GRID2: variants seen among roughly 807,000 people sequenced by gnomAD.
GRID2 encodes the protein glutamate ionotropic receptor delta type subunit 2.
In GRID2, 33 loss-of-function variants were observed where a neutral mutation model predicts 114.8. The ratio of observed to expected loss-of-function variants is 0.29; its 90% confidence interval spans 0.22 to 0.38. GRID2 has a LOEUF of 0.38. Among genes scored for constraint, GRID2 ranks in the 10% least tolerant of loss-of-function variants. The pLI, the probability that GRID2 is intolerant of heterozygous loss-of-function variation, is 1.00. For missense variants in GRID2, 1,184 were observed against 1,257.7 expected, an observed-to-expected ratio of 0.94 and a Z score of 0.89; for synonymous variants, 505 against 449.9, an observed-to-expected ratio of 1.12 and a Z score of -1.55.
intron 2 of GRID2, among the ~76,000 whole-genome samples, chr4:92,952,817 A>G (rs1489620206): frequency 6.6e-6 from 1 of 152,216 alleles, no homozygotes; most frequent in African/African-American, 2.4e-5. Flanking sequence ...TACGACTGCC[A>G]TAACACAATA....
At chr4:93,183,173 C>T (rs1401448792) in intron 4 of GRID2, among the ~76,000 whole-genome samples, 2 of 152,030 alleles carry the variant, frequency 1.3e-5, no homozygotes, top group African/African-American at 4.8e-5. Context: ...CATAATATCT[C>T]AATTTTCACT....
intron 2 of GRID2, among the ~76,000 whole-genome samples, chr4:92,722,776 A>C (rs1198482572): frequency 1.3e-5 from 2 of 151,504 alleles, no homozygotes; most frequent in Non-Finnish European, 2.9e-5. Context: ...TCAAAGAAAC[A>C]TAAGATTATT....
intron 2 of GRID2, among the ~76,000 whole-genome samples, chr4:93,084,594 G>A (rs1004473947): frequency 5.9e-5 from 9 of 152,080 alleles, no homozygotes; most frequent in African/African-American, 2.2e-4. Context: ...GCCTTCAGTA[G>A]GGAATTATCT....
At chr4:93,181,465 AC>A (rs759829679) in intron 4 of GRID2, among the ~76,000 whole-genome samples, 2 of 152,140 alleles carry the variant, frequency 1.3e-5, no homozygotes, top group Non-Finnish European at 2.9e-5. Flanking sequence ...AGCTATATTA[AC>A]CCTAACAGGA....
At chr4:93,263,002 G>C (rs1750421747) in intron 8 of GRID2, among the ~76,000 whole-genome samples, 2 of 151,716 alleles carry the variant, frequency 1.3e-5, no homozygotes, top group Admixed American at 1.3e-4. Context: ...GAGTTACATT[G>C]CTGTAAACTT....
intron 14 of GRID2, among the ~76,000 whole-genome samples, chr4:93,740,661 A>C (rs1426306756): frequency 6.6e-6 from 1 of 152,188 alleles, no homozygotes; most frequent in African/African-American, 2.4e-5. Flanking sequence ...TGGTTGTCTC[A>C]TCATCTTCAG....
At chr4:92,747,390 G>C (rs1166724083) in intron 2 of GRID2, among the ~76,000 whole-genome samples, 1 of 151,996 alleles carries the variant, frequency 6.6e-6, no homozygotes, top group East Asian at 1.9e-4. Flanking sequence ...TCCCCTAAAA[G>C]CTAAAAGCTT....
At chr4:93,602,417 G>A (rs1465456715) in intron 13 of GRID2, among the ~76,000 whole-genome samples, 1 of 152,168 alleles carries the variant, frequency 6.6e-6, no homozygotes, top group Non-Finnish European at 1.5e-5. Context: ...TTAAAGGTTT[G>A]CAGCAGCCCT....
At chr4:92,599,239 T>A (rs1380476811) in intron 2 of GRID2, among the ~76,000 whole-genome samples, 2 of 152,048 alleles carry the variant, frequency 1.3e-5, no homozygotes, top group African/African-American at 4.8e-5. Flanking sequence ...GGAGGCCAAA[T>A]TAAAGCTTTC....
Position 93,407,873 on chromosome 4 carries a change from T to C in GRID2, c.1347+12165T>C, listed in dbSNP as rs115686984. Among the ~76,000 whole-genome samples the C allele has an allele frequency of 7.3e-3, 1,106 of 150,602 alleles. 14 individuals are homozygous for C. The highest frequency in any genetic ancestry group is 0.026 in the African/African-American group (1,035 of 40,384). On this transcript the variant is annotated intron_variant, in intron 9 of 15. Coordinates refer to ENST00000282020, the MANE Select transcript of GRID2 (RefSeq NM_001510.4). ...ACCTCCTGCTTCTCCTTCTCCTCCTTCTTCTTCATTTTTATTTTTAACCAT... is the reference window on the plus strand; with the variant it reads ...ACCTCCTGCTTCTCCTTCTCCTCCTCCTTCTTCATTTTTATTTTTAACCAT...
rs184349714 is a variant in GRID2, at chr4:92,777,343, G to A, written c.244+187057G>A. On this transcript the variant is annotated intron_variant, in intron 2 of 15. Coordinates refer to ENST00000282020, the MANE Select transcript of GRID2 (RefSeq NM_001510.4). ...CTGTTATAGTTCAGATAGTCATTAT[G>A]TTTTGCTTTGTGTGGTAATAACAGC... Among the ~76,000 whole-genome samples the A allele has an allele frequency of 3.6e-3, 545 of 152,064 alleles. 2 individuals are homozygous for A. Among genetic ancestry groups the A allele is most frequent in the African/African-American group, 0.013 (527 of 41,488 alleles).
At chr4:92,341,912 CAAAA>C (rs1308783496) in intron 1 of GRID2, among the ~76,000 whole-genome samples, 1 of 77,482 alleles carries the variant, frequency 1.3e-5, no homozygotes, top group African/African-American at 4.6e-5. Flanking sequence ...GACTCCATCT[CAAAA>C]AAAAAAAAAA....
chr4:92,631,034 CAA>C (rs1294909481), intron 2 of GRID2, among the ~76,000 whole-genome samples: 1 of 149,814 alleles, frequency 6.7e-6, no homozygotes, highest in Admixed American at 6.7e-5. Flanking sequence ...AAGAAAAAAA[CAA>C]GAGATCTATC....
intron 1 of GRID2, among the ~76,000 whole-genome samples, chr4:92,561,328 T>C (rs181961591): frequency 2.0e-5 from 3 of 152,334 alleles, no homozygotes; most frequent in Admixed American, 2.0e-4. Flanking sequence ...TAGAAATATA[T>C]ACAGGTTTGG....
intron 1 of GRID2, among the ~76,000 whole-genome samples, chr4:92,528,820 TA>T (rs755194146): frequency 0.28 from 26,067 of 94,086 alleles, 2,763 homozygotes; most frequent in Non-Finnish European, 0.35. Context: ...GAACATCCTG[TA>T]AAAAAAAAAA....
In GRID2 at chr4:92,462,978, T is replaced by G. The variant is rs189593742; in HGVS notation, c.89-127153T>G. Among the ~76,000 whole-genome samples, 42 of 152,100 alleles carry G rather than the reference T, an allele frequency of 2.8e-4. 1 individual carries two copies. The highest frequency in any genetic ancestry group is 1.0e-3 in the Admixed American group (16 of 15,260). ...TTTCAATTTCCACAAAAGTCCTGTT[T>G]ACATAAGAGACAGAAATAAATGTAT... On this transcript the variant is annotated intron_variant, in intron 1 of 15. Transcript: ENST00000282020.
At chr4:92,581,168 T>C in intron 1 of GRID2, among the ~76,000 whole-genome samples, 1 of 151,676 alleles carries the variant, frequency 6.6e-6, no homozygotes, top group East Asian at 1.9e-4. Context: ...AATCCAGATA[T>C]TTGAGCTTTC....
At chr4:92,634,589 T>C (rs1477669336) in intron 2 of GRID2, among the ~76,000 whole-genome samples, 1 of 152,094 alleles carries the variant, frequency 6.6e-6, no homozygotes, top group Non-Finnish European at 1.5e-5. Flanking sequence ...CATTTAACAT[T>C]CTAAATCATT....
chr4:93,361,080 A>C (rs1025631917), intron 8 of GRID2, among the ~76,000 whole-genome samples: 11 of 152,024 alleles, frequency 7.2e-5, no homozygotes, highest in Admixed American at 1.3e-4. Context: ...TCATTACAAT[A>C]GGTAACACTT....
Sources: allele counts gnomAD v4.1 joint callset (sites outside exome capture counted in the v4.1 genomes callset), GRCh38; gene constraint gnomAD v4.1.1; transcripts MANE v1.5; gene names NCBI Gene and HGNC (gene_info 2026-07-23, HGNC 2026-07-21).